Variants in WARS2 observed in about 807,000 individuals in gnomAD.
WARS2 encodes tryptophanyl tRNA synthetase 2, mitochondrial.
In WARS2, 28 loss-of-function variants were observed where a neutral mutation model predicts 36.5. That is an observed-to-expected ratio of 0.77 (90% CI 0.57 to 1.05). The LOEUF (loss-of-function observed/expected upper bound fraction) is 1.05, where lower values mean the gene tolerates loss of function less well. Ranked by LOEUF, WARS2 falls within the 50% of genes least tolerant of loss-of-function variation. WARS2 has a pLI of 0.00. For synonymous variants in WARS2, 174 were observed against 178.4 expected (o/e 0.98, Z 0.20); for missense variants, 435 against 456.8 (o/e 0.95, Z 0.44).
intron 4 of WARS2, among the ~76,000 whole-genome samples, chr1:119,037,429 G>A (rs2101106945): frequency 6.6e-6 from 1 of 152,270 alleles, no homozygotes; most frequent in South Asian, 2.1e-4. Context: ...TTTTTTGGCT[G>A]TGTTTGTAAG....
At position 119,032,914 on chromosome 1, in the gene WARS2, T is replaced by C; in HGVS notation, c.1080A>G (p.Leu360=). The C allele has an allele frequency of 3.1e-6, 5 of 1,610,118 alleles. No homozygotes were observed. The South Asian group carries it at 5.5e-5, about 18-fold the overall frequency. Residue 360 remains leucine, a synonymous_variant, in exon 6 of 6, where the codon CTA becomes CTG. Coordinates refer to ENST00000235521, the MANE Select transcript of WARS2 (RefSeq NM_015836.4). The stretch of plus-strand genomic sequence containing the variant: ...TGCTGTGATTCGTTGAAACTTCCTA[T>C]AGAAAACCCACCAATTTCTTCACCT... The part of the protein sequence containing the change: ...CQEVKKLVGF[L]
At chr1:119,103,385 T>A (rs1444602561) in intron 1 of WARS2, among the ~76,000 whole-genome samples, 1 of 152,134 alleles carries the variant, frequency 6.6e-6, no homozygotes, top group Non-Finnish European at 1.5e-5. Flanking sequence ...CATCCCAACA[T>A]TTGGATTTGG....
chr1:119,118,444 A>C (rs1301881859), intron 1 of WARS2, among the ~76,000 whole-genome samples: 2 of 152,118 alleles, frequency 1.3e-5, no homozygotes, highest in African/African-American at 4.8e-5. Context: ...TTAAATGACC[A>C]AACCTAAGAG....
At chr1:119,101,520 A>G (rs1224041573) in intron 1 of WARS2, among the ~76,000 whole-genome samples, 1 of 152,160 alleles carries the variant, frequency 6.6e-6, no homozygotes, top group East Asian at 1.9e-4. Flanking sequence ...AAAATAAAAG[A>G]CTATAAGCCT....
intron 1 of WARS2, among the ~76,000 whole-genome samples, chr1:119,131,112 AT>A (rs1286072473): frequency 3.3e-5 from 5 of 152,230 alleles, no homozygotes; most frequent in African/African-American, 1.2e-4. Context: ...GTCCTATAAA[AT>A]TTCAAAATGG....
chr1:119,048,081 AAC>A (rs1393004521), intron 2 of WARS2, among the ~76,000 whole-genome samples: 1 of 152,254 alleles, frequency 6.6e-6, no homozygotes, highest in Non-Finnish European at 1.5e-5. Flanking sequence ...TAGGTTTGGC[AAC>A]AGACTTGGTG....
intron 2 of WARS2, among the ~76,000 whole-genome samples, chr1:119,050,849 A>G (rs1009705075): frequency 2.0e-5 from 3 of 152,198 alleles, no homozygotes; most frequent in African/African-American, 4.8e-5. Context: ...TTGCCTGGGA[A>G]TAGAGGAAAG....
intron 2 of WARS2, among the ~76,000 whole-genome samples, chr1:119,067,734 C>A (rs1337677876): frequency 3.3e-5 from 5 of 151,994 alleles, no homozygotes. Context: ...AGAGCTTGAG[C>A]CACTTGCCCA....
intron 1 of WARS2, among the ~76,000 whole-genome samples, chr1:119,096,209 C>T (rs1020070721): frequency 6.6e-6 from 1 of 152,104 alleles, no homozygotes; most frequent in Non-Finnish European, 1.5e-5. Flanking sequence ...TTGTTTAATA[C>T]ACTGAGGAAA....
intron 1 of WARS2, among the ~76,000 whole-genome samples, chr1:119,112,281 C>A (rs867775123): frequency 6.6e-6 from 1 of 152,098 alleles, no homozygotes; most frequent in African/African-American, 2.4e-5. Context: ...CTTATATACC[C>A]AACTCTGACA....
intron 1 of WARS2, among the ~76,000 whole-genome samples, chr1:119,100,737 T>G (rs1398840338): frequency 2.0e-5 from 3 of 152,202 alleles, no homozygotes; most frequent in African/African-American, 7.2e-5. Flanking sequence ...CTCGGCTCAC[T>G]GTAGCTTCGA....
At chr1:119,056,124 T>C (rs1419584687) in intron 2 of WARS2, among the ~76,000 whole-genome samples, 2 of 151,386 alleles carry the variant, frequency 1.3e-5, no homozygotes, top group Non-Finnish European at 2.9e-5. Flanking sequence ...GCTCAAGCGA[T>C]TCTCCTGCCT....
intron 1 of WARS2, among the ~76,000 whole-genome samples, chr1:119,080,081 T>A (rs1262292952): frequency 6.6e-6 from 1 of 152,176 alleles, no homozygotes; most frequent in South Asian, 2.1e-4. Context: ...AGCAAAGGAA[T>A]TTTCAGTGCA....
intron 1 of WARS2, among the ~76,000 whole-genome samples, chr1:119,111,354 A>G (rs1235319859): frequency 1.3e-5 from 2 of 152,154 alleles, no homozygotes; most frequent in East Asian, 3.9e-4. Context: ...GAACTGTGAA[A>G]TTCGCAAGTG....
intron 1 of WARS2, among the ~76,000 whole-genome samples, chr1:119,078,820 T>C (rs1436301273): frequency 6.6e-6 from 1 of 152,210 alleles, no homozygotes; most frequent in Non-Finnish European, 1.5e-5. Flanking sequence ...ATTTTATGAA[T>C]CAGATATATA....
chr1:119,039,929 T>C (rs1028149872), intron 4 of WARS2, among the ~76,000 whole-genome samples: 1 of 152,194 alleles, frequency 6.6e-6, no homozygotes, highest in Non-Finnish European at 1.5e-5. Flanking sequence ...TCTACATTTA[T>C]AATACAAATA....
chr1:119,124,817 G>A (rs1325645566), intron 1 of WARS2, among the ~76,000 whole-genome samples: 1 of 152,004 alleles, frequency 6.6e-6, no homozygotes, highest in Non-Finnish European at 1.5e-5. Context: ...TTATTCTAAG[G>A]TACTATACAA....
At chr1:119,110,418 A>G (rs1348080369) in intron 1 of WARS2, among the ~76,000 whole-genome samples, 1 of 151,738 alleles carries the variant, frequency 6.6e-6, no homozygotes, top group Non-Finnish European at 1.5e-5. Flanking sequence ...TTCCAGATTG[A>G]TTTTTTTTCC....
chr1:119,045,724 C>T, intron 2 of WARS2, 62 bp from the exon 3 acceptor site: 1 of 1,326,774 alleles, frequency 7.5e-7, no homozygotes, highest in Non-Finnish European at 1.1e-6. Context: ...ATAAGAAGAA[C>T]TAAGTAGTAA....
Sources: gnomAD v4.1 joint callset for allele counts (sites outside exome capture counted in the v4.1 genomes callset) on GRCh38, gnomAD v4.1.1 for gene constraint, MANE v1.5 for transcripts, NCBI Gene and HGNC (gene_info 2026-07-23, HGNC 2026-07-21) for gene names.